BBX: variants seen among roughly 807,000 people sequenced by gnomAD.
The protein encoded by BBX is HMG box transcription factor BBX.
BBX carries 30 observed loss-of-function variants against 100.2 expected under a neutral mutation model. The observed-to-expected ratio is 0.30, with a 90% CI of 0.22 to 0.41. The LOEUF (loss-of-function observed/expected upper bound fraction) is 0.41. Among genes scored for constraint, BBX ranks in the 10% least tolerant of loss-of-function variants. BBX has a pLI of 1.00. For missense variants in BBX, 1,023 were observed against 1,129.8 expected (o/e 0.91, Z 1.35); for synonymous variants, 376 against 388.1 (o/e 0.97, Z 0.37).
rs555825835 is a variant in BBX at position 107,754,183 on chromosome 3, G to A, written c.826-1415G>A. On this transcript the variant is annotated intron_variant, in intron 9 of 17. Coordinates refer to ENST00000325805, the MANE Select transcript of BBX (RefSeq NM_001142568.3). ...GGCCATATTCTTTCTATTATAGAGC[G>A]TTGATTCAAGGCACTGGCATTTATG... is the stretch of plus-strand genomic sequence containing the variant. 1.8e-4 allele frequency among the ~76,000 whole-genome samples: 28 copies of A among 152,298 alleles called. No individual in the cohort carries two copies. The East Asian group carries it at 5.0e-3, about 27-fold the overall frequency.
chr3:107,579,475 A>G (rs983277552), intron 2 of BBX, among the ~76,000 whole-genome samples: 1 of 152,212 alleles, frequency 6.6e-6, no homozygotes, highest in Non-Finnish European at 1.5e-5. Context: ...CCTTCTTGCC[A>G]TGTATTCGGG....
intron 10 of BBX, among the ~76,000 whole-genome samples, chr3:107,764,888 T>C (rs1033964394): frequency 1.3e-5 from 2 of 152,190 alleles, no homozygotes; most frequent in Non-Finnish European, 1.5e-5. Flanking sequence ...CATCCATGCA[T>C]ACATTTGTAA....
intron 2 of BBX, among the ~76,000 whole-genome samples, chr3:107,618,740 C>G (rs1031178777): frequency 6.6e-6 from 1 of 151,676 alleles, no homozygotes; most frequent in Non-Finnish European, 1.5e-5. Flanking sequence ...AATTTTATGC[C>G]CTTGTGACTA....
chr3:107,584,445 C>T (rs941495528), intron 2 of BBX, among the ~76,000 whole-genome samples: 2 of 149,336 alleles, frequency 1.3e-5, no homozygotes, highest in African/African-American at 2.5e-5. Context: ...ATCTTCATGT[C>T]TGGAAAACTA....
At chr3:107,680,432 G>A (rs1012215548) in intron 3 of BBX, among the ~76,000 whole-genome samples, 1 of 152,154 alleles carries the variant, frequency 6.6e-6, no homozygotes, top group South Asian at 2.1e-4. Context: ...CAGAAAGTAA[G>A]GGTGAAGTGG....
chr3:107,558,467 G>A (rs1403049007), intron 2 of BBX, among the ~76,000 whole-genome samples: 2 of 151,982 alleles, frequency 1.3e-5, no homozygotes, highest in African/African-American at 2.4e-5. Context: ...CAGCCTGGGG[G>A]ACAGAGCGAG....
intron 3 of BBX, among the ~76,000 whole-genome samples, chr3:107,678,441 C>T (rs1028148320): frequency 6.6e-6 from 1 of 151,996 alleles, no homozygotes. Flanking sequence ...TATTATGGGC[C>T]TAGCATGGTG....
chr3:107,603,100 A>T (rs769247277), intron 2 of BBX, among the ~76,000 whole-genome samples: 2 of 152,030 alleles, frequency 1.3e-5, no homozygotes, highest in Non-Finnish European at 2.9e-5. Context: ...AGTAGCTGGG[A>T]CTATAGGCTC....
At chr3:107,653,802 G>C (rs968017368) in intron 3 of BBX, among the ~76,000 whole-genome samples, 2 of 152,188 alleles carry the variant, frequency 1.3e-5, no homozygotes, top group Admixed American at 6.5e-5. Context: ...GGAGGAACTG[G>C]CTTCCAAAGG....
At chr3:107,592,113 AC>A (rs1157145312) in intron 2 of BBX, among the ~76,000 whole-genome samples, 1 of 152,150 alleles carries the variant, frequency 6.6e-6, no homozygotes, top group African/African-American at 2.4e-5. Context: ...GTTTAGTATG[AC>A]TTTCATATTT....
intron 3 of BBX, among the ~76,000 whole-genome samples, chr3:107,652,924 A>C (rs558909385): frequency 3.0e-4 from 45 of 152,322 alleles, no homozygotes; most frequent in African/African-American, 1.1e-3. Flanking sequence ...TATGCTAGAA[A>C]GTTTACTAGA....
chr3:107,764,840 A>G (rs1240308342), intron 10 of BBX, among the ~76,000 whole-genome samples: 1 of 152,130 alleles, frequency 6.6e-6, no homozygotes, highest in Non-Finnish European at 1.5e-5. Flanking sequence ...ACATTGATTT[A>G]TGTTCTTTTA....
intron 2 of BBX, among the ~76,000 whole-genome samples, chr3:107,632,313 G>C (rs2056599349): frequency 6.6e-6 from 1 of 151,752 alleles, no homozygotes; most frequent in South Asian, 2.1e-4. Context: ...TCAAACTCTT[G>C]ACCTCAGATA....
At chr3:107,804,036 T>G (rs2070819245) in intron 17 of BBX, among the ~76,000 whole-genome samples, 1 of 152,190 alleles carries the variant, frequency 6.6e-6, no homozygotes, top group African/African-American at 2.4e-5. Flanking sequence ...CATTTTAATT[T>G]CATCTTTCTT....
At chr3:107,776,600 AT>A (rs1414479584) in intron 12 of BBX, among the ~76,000 whole-genome samples, 2 of 152,160 alleles carry the variant, frequency 1.3e-5, no homozygotes, top group African/African-American at 4.8e-5. Context: ...GTAGATGAGC[AT>A]TTTAAACCTT....
chr3:107,689,461 T>C (rs987059550), intron 3 of BBX, among the ~76,000 whole-genome samples: 3 of 152,230 alleles, frequency 2.0e-5, no homozygotes, highest in Non-Finnish European at 4.4e-5. Flanking sequence ...TAGATGGAGA[T>C]GTGTGTGCTC....
intron 2 of BBX, among the ~76,000 whole-genome samples, chr3:107,531,574 G>GTTT (rs992851611): frequency 6.9e-6 from 1 of 145,246 alleles, no homozygotes; most frequent in Non-Finnish European, 1.5e-5. Flanking sequence ...AAGCCTTTTA[G>GTTT]TTTTTTTTTT....
In BBX at chr3:107,806,519, A is replaced by G. The variant is rs1019860929; in HGVS notation, c.*1062A>G. The stretch of plus-strand genomic sequence containing the variant: ...AGCCTGATTGGCACTGCAGGTTTTT[A>G]GAGCCATTTTGAGTTTGTGTTGTTT... On this transcript the variant is annotated 3_prime_UTR_variant, in exon 18 of 18. Transcript: ENST00000325805. 4.6e-5 allele frequency: 7 copies of G among 152,186 alleles called. No individual in the cohort carries two copies. Among genetic ancestry groups the G allele is most frequent in the African/African-American group, 1.7e-4 (7 of 41,432 alleles). The allele number at this position is 152,186 out of a possible 1,614,324, so 9.4% of individuals were successfully genotyped here.
chr3:107,725,879 G>A (rs2062891384), intron 5 of BBX, among the ~76,000 whole-genome samples: 1 of 152,032 alleles, frequency 6.6e-6, no homozygotes, highest in Non-Finnish European at 1.5e-5. Context: ...TTTAATGGGA[G>A]AATTTTGAAA....
Sources: gnomAD v4.1 joint callset for allele counts (sites outside exome capture counted in the v4.1 genomes callset) on GRCh38, gnomAD v4.1.1 for gene constraint, MANE v1.5 for transcripts, NCBI Gene and HGNC (gene_info 2026-07-23, HGNC 2026-07-21) for gene names.